Variants in PSD3 observed in about 807,000 individuals in gnomAD.
PSD3 encodes pleckstrin and Sec7 domain containing 3, also known as PH and SEC7 domain-containing protein 3.
PSD3 carries 49 observed loss-of-function variants against 105.5 expected under a neutral mutation model. That is an observed-to-expected ratio of 0.46 (90% CI 0.37 to 0.59). PSD3 has a LOEUF of 0.59. Among genes scored for constraint, PSD3 ranks in the 20% least tolerant of loss-of-function variants. PSD3 has a pLI of 0.00. For synonymous variants in PSD3, 557 were observed against 457.8 expected, an observed-to-expected ratio of 1.22 and a Z score of -2.77; for missense variants, 1,561 against 1,263.8, an observed-to-expected ratio of 1.24 and a Z score of -3.57.
intron 15 of PSD3, among the ~76,000 whole-genome samples, chr8:18,548,817 A>G (rs2634455): frequency 0.99 from 151,452 of 152,270 alleles, 75,332 homozygotes; most frequent in Middle Eastern, 1. Flanking sequence ...CCTGGGGGAA[A>G]GGATCTGTAG....
intron 1 of PSD3, among the ~76,000 whole-genome samples, chr8:19,066,322 A>G (rs1274331455): frequency 2.0e-5 from 3 of 152,238 alleles, no homozygotes; most frequent in African/African-American, 7.2e-5. Context: ...CTTTAAAGAA[A>G]TTTTAATTCT....
At chr8:18,693,871 T>C (rs1215183629) in intron 9 of PSD3, among the ~76,000 whole-genome samples, 1 of 152,224 alleles carries the variant, frequency 6.6e-6, no homozygotes, top group Non-Finnish European at 1.5e-5. Flanking sequence ...TCCATGTTTT[T>C]GGAGCCAGGA....
At position 18,755,258 on chromosome 8, in the gene PSD3, T is replaced by C. The variant is rs189915076; in HGVS notation, c.2172+10191A>G. 1.5e-3 allele frequency among the ~76,000 whole-genome samples: 225 copies of C among 151,972 alleles called. 1 individual carries two copies. In the East Asian group the frequency reaches 0.033, roughly 23 times the overall value. On this transcript the variant is annotated intron_variant, in intron 9 of 15. Transcript: ENST00000327040. ...AGCCTGGTCAACATGGTGAAACCCC[T>C]GTCCCTACTAAAAATACAAAAATTA...
intron 1 of PSD3, among the ~76,000 whole-genome samples, chr8:18,967,801 T>A (rs1291528195): frequency 6.6e-6 from 1 of 152,192 alleles, no homozygotes; most frequent in Non-Finnish European, 1.5e-5. Context: ...ATGTGAAAGA[T>A]ACACACAGGT....
chr8:18,725,152 A>G (rs1428529620), intron 9 of PSD3, among the ~76,000 whole-genome samples: 1 of 152,162 alleles, frequency 6.6e-6, no homozygotes, highest in Non-Finnish European at 1.5e-5. Flanking sequence ...CCATGCCTGG[A>G]GTAAGCCTCT....
intron 9 of PSD3, among the ~76,000 whole-genome samples, chr8:18,690,056 T>C (rs1800888068): frequency 6.6e-6 from 1 of 152,108 alleles, no homozygotes; most frequent in Admixed American, 6.5e-5. Context: ...CGAACACATA[T>C]CTCTTCAGAC....
intron 9 of PSD3, among the ~76,000 whole-genome samples, chr8:18,749,163 T>C (rs1805274349): frequency 6.6e-6 from 1 of 152,228 alleles, no homozygotes; most frequent in African/African-American, 2.4e-5. Context: ...GGAGCCTGAA[T>C]AACTCTGTAA....
chr8:18,928,651 G>C (rs570175252), intron 2 of PSD3, among the ~76,000 whole-genome samples: 24 of 152,246 alleles, frequency 1.6e-4, no homozygotes, highest in African/African-American at 5.5e-4. Context: ...ATGACAGTCA[G>C]TGGGTGTTCT....
At chr8:19,047,500 G>C (rs755395174) in intron 1 of PSD3, among the ~76,000 whole-genome samples, 3 of 152,114 alleles carry the variant, frequency 2.0e-5, no homozygotes, top group Admixed American at 6.5e-5. Context: ...ACCTCTGGGA[G>C]GTAAGAATGT....
At chr8:18,975,575 G>C (rs918534471) in intron 1 of PSD3, among the ~76,000 whole-genome samples, 1 of 152,144 alleles carries the variant, frequency 6.6e-6, no homozygotes, top group African/African-American at 2.4e-5. Flanking sequence ...GAGATAACAA[G>C]TATAAAGGTT....
intron 4 of PSD3, among the ~76,000 whole-genome samples, chr8:18,839,536 T>A (rs7844317): frequency 0.42 from 63,896 of 151,926 alleles, 14,058 homozygotes; most frequent in Middle Eastern, 0.51. Flanking sequence ...CCAAGGGGAA[T>A]GATGGTTCCG....
chr8:18,701,736 G>A (rs1049889038), intron 9 of PSD3, among the ~76,000 whole-genome samples: 5 of 152,184 alleles, frequency 3.3e-5, no homozygotes, highest in African/African-American at 1.2e-4. Flanking sequence ...TTTGGAGTAT[G>A]ACTTTAAGTG....
chr8:18,587,846 G>A (rs761796845), intron 12 of PSD3, among the ~76,000 whole-genome samples: 17 of 152,122 alleles, frequency 1.1e-4, no homozygotes, highest in Non-Finnish European at 1.9e-4. Context: ...AGCTTTGGGA[G>A]GATATAAAAC....
intron 8 of PSD3, among the ~76,000 whole-genome samples, chr8:18,785,561 G>C (rs367843727): frequency 1.3e-5 from 2 of 152,248 alleles, no homozygotes; most frequent in South Asian, 4.1e-4. Context: ...TCAGTAATAA[G>C]GCTGTTTTGC....
chr8:18,590,495 G>T (rs1450256927), intron 12 of PSD3, among the ~76,000 whole-genome samples: 1 of 152,130 alleles, frequency 6.6e-6, no homozygotes, highest in Non-Finnish European at 1.5e-5. Context: ...ATAATACACT[G>T]AAAACAGACA....
intron 8 of PSD3, among the ~76,000 whole-genome samples, chr8:18,788,008 T>G (rs898013202): frequency 2.6e-5 from 4 of 152,178 alleles, no homozygotes; most frequent in Non-Finnish European, 4.4e-5. Context: ...ACACTATAAT[T>G]GGTGTGAAGA....
chr8:18,682,295 T>A (rs531021322), intron 9 of PSD3, among the ~76,000 whole-genome samples: 1 of 152,218 alleles, frequency 6.6e-6, no homozygotes, highest in East Asian at 1.9e-4. Context: ...CATTAAAACA[T>A]CCAAAACAAA....
At chr8:19,055,077 A>G (rs1378282198) in intron 1 of PSD3, among the ~76,000 whole-genome samples, 5 of 152,040 alleles carry the variant, frequency 3.3e-5, no homozygotes, top group Non-Finnish European at 7.4e-5. Context: ...CCTCTACTTG[A>G]TCTCTCTTCT....
In PSD3 at chr8:18,860,458, TAA is replaced by T. The variant is rs5889834; in HGVS notation, c.1634+7214_1634+7215del. Among the ~76,000 whole-genome samples the T allele has an allele frequency of 2.2e-4, 31 of 139,798 alleles. 1 individual carries two copies. Among genetic ancestry groups the T allele is most frequent in the African/African-American group, 5.9e-4 (23 of 39,062 alleles). The allele number at this position is 139,798 out of a possible 152,430, so 91.7% of individuals were successfully genotyped here. On this transcript the variant is annotated intron_variant, in intron 4 of 15. Transcript: ENST00000327040. Reference sequence around the variant, plus strand: ...GGTTACCACAAATCTGTAATTTGAATAAAAAAAAAAAACAGAGTATCTTCAAA... The same window carrying T: ...GGTTACCACAAATCTGTAATTTGAATAAAAAAAAAACAGAGTATCTTCAAA...
Sources: gnomAD v4.1 joint callset for allele counts (sites outside exome capture counted in the v4.1 genomes callset) on GRCh38, gnomAD v4.1.1 for gene constraint, MANE v1.5 for transcripts, NCBI Gene and HGNC (gene_info 2026-07-23, HGNC 2026-07-21) for gene names.